Variants in MAP3K7CL observed in about 807,000 individuals in gnomAD.
MAP3K7CL encodes the protein MAP3K7 C-terminal like.
In MAP3K7CL, 16 loss-of-function variants were observed where a neutral mutation model predicts 18.6. That is an observed-to-expected ratio of 0.86 (90% confidence interval 0.58 to 1.31). The LOEUF (loss-of-function observed/expected upper bound fraction) is 1.31, where lower values mean the gene tolerates loss of function less well. Ranked by LOEUF, MAP3K7CL falls within the 50% of genes most tolerant of loss-of-function variation. The probability of loss-of-function intolerance (pLI) is 0.00; values close to 1 mark genes in which losing one functional copy is unlikely to be tolerated. For synonymous variants in MAP3K7CL, 65 were observed against 66.8 expected (o/e 0.97, Z 0.13); for missense variants, 163 against 174.4 (o/e 0.93, Z 0.37).
chr21:29,092,266 T>G, intron 3 of MAP3K7CL: 1 of 670,152 alleles, frequency 1.5e-6, no homozygotes, highest in Non-Finnish European at 2.5e-6. Flanking sequence ...CCAAGCCCAG[T>G]GCTCTTTCCC....
chr21:29,118,641 G>C (rs904654871), intron 4 of MAP3K7CL, among the ~76,000 whole-genome samples: 4 of 152,204 alleles, frequency 2.6e-5, no homozygotes, highest in African/African-American at 9.6e-5. Flanking sequence ...GATCTGTGAA[G>C]GCACAAAGTT....
chr21:29,174,121 A>G (rs1360491467), intron 4 of MAP3K7CL, among the ~76,000 whole-genome samples: 2 of 152,200 alleles, frequency 1.3e-5, no homozygotes, highest in Non-Finnish European at 1.5e-5. Flanking sequence ...TGCTTCCTCA[A>G]TTCTGGAGTC....
At chr21:29,165,240 CT>C (rs2087656312) in intron 4 of MAP3K7CL, among the ~76,000 whole-genome samples, 1 of 152,058 alleles carries the variant, frequency 6.6e-6, no homozygotes, top group African/African-American at 2.4e-5. Flanking sequence ...GTATTGGGTA[CT>C]TTGGTGTTTA....
intron 1 of MAP3K7CL, among the ~76,000 whole-genome samples, chr21:29,086,285 C>T (rs2085924324): frequency 6.6e-6 from 1 of 152,186 alleles, no homozygotes; most frequent in African/African-American, 2.4e-5. Context: ...AGAGAAAGAG[C>T]AGGCACAGAT....
At chr21:29,145,214 A>AATAG (rs56300654) in intron 2 of MAP3K7CL, among the ~76,000 whole-genome samples, 51,058 of 151,764 alleles carry the variant, frequency 0.34, 8,651 homozygotes, top group Non-Finnish European at 0.35. Flanking sequence ...ATAATTGGTA[A>AATAG]ATTTTAATAA....
intron 4 of MAP3K7CL, among the ~76,000 whole-genome samples, chr21:29,165,096 A>T (rs1456910402): frequency 2.6e-5 from 4 of 152,210 alleles, no homozygotes; most frequent in Non-Finnish European, 5.9e-5. Context: ...ATCTATTACC[A>T]AATTGTTTGA....
intron 4 of MAP3K7CL, among the ~76,000 whole-genome samples, chr21:29,124,710 A>C (rs941515469): frequency 1.3e-5 from 2 of 152,236 alleles, no homozygotes; most frequent in Non-Finnish European, 2.9e-5. Flanking sequence ...GACAAATATC[A>C]AAAGGAGAAT....
intron 4 of MAP3K7CL, among the ~76,000 whole-genome samples, chr21:29,171,050 A>G (rs1415413173): frequency 6.6e-6 from 1 of 151,864 alleles, no homozygotes; most frequent in East Asian, 1.9e-4. Flanking sequence ...TACCTAAGCT[A>G]TGCTTAGGGA....
intron 4 of MAP3K7CL, among the ~76,000 whole-genome samples, chr21:29,166,603 C>A (rs2087694727): frequency 6.6e-6 from 1 of 152,206 alleles, no homozygotes; most frequent in South Asian, 2.1e-4. Context: ...AATCTACTTT[C>A]TGTCTCTATG....
intron 2 of MAP3K7CL, among the ~76,000 whole-genome samples, chr21:29,143,361 T>C (rs1032425700): frequency 1.3e-5 from 2 of 151,864 alleles, no homozygotes; most frequent in Non-Finnish European, 2.9e-5. Context: ...GGCTTGGGAA[T>C]GTCCTCTGGG....
intron 4 of MAP3K7CL, among the ~76,000 whole-genome samples, chr21:29,097,426 C>T (rs1174660415): frequency 6.6e-6 from 1 of 152,048 alleles, no homozygotes; most frequent in East Asian, 1.9e-4. Flanking sequence ...TACTATTGTT[C>T]ATAAAACATA....
chr21:29,109,533 C>G (rs1418757000), intron 4 of MAP3K7CL: 1 of 1,054,348 alleles, frequency 9.5e-7, no homozygotes, highest in South Asian at 3.8e-5. Context: ...ACCAGCAATT[C>G]CATAAGTACT....
intron 2 of MAP3K7CL, among the ~76,000 whole-genome samples, chr21:29,147,837 T>G (rs568516049): frequency 3.6e-4 from 54 of 151,924 alleles, no homozygotes; most frequent in Admixed American, 1.8e-3. Flanking sequence ...GTATCTGTAC[T>G]GTATATATCT....
At chr21:29,088,006 A>G (rs2085957090) in intron 1 of MAP3K7CL, among the ~76,000 whole-genome samples, 1 of 152,192 alleles carries the variant, frequency 6.6e-6, no homozygotes, top group African/African-American at 2.4e-5. Flanking sequence ...CAAAGAGGAA[A>G]TTACGATTGT....
At chr21:29,134,240 G>A (rs2086837115) in intron 2 of MAP3K7CL, among the ~76,000 whole-genome samples, 2 of 152,136 alleles carry the variant, frequency 1.3e-5, no homozygotes, top group Non-Finnish European at 2.9e-5. Flanking sequence ...ATGATTGGCC[G>A]AGCATGGTGG....
chr21:29,111,300 C>T (rs950382174), intron 4 of MAP3K7CL, among the ~76,000 whole-genome samples: 32 of 151,954 alleles, frequency 2.1e-4, no homozygotes, highest in African/African-American at 6.8e-4. Flanking sequence ...CAACAAAAAA[C>T]GTTCCTTGGA....
At chr21:29,146,474 A>G (rs570435703) in intron 2 of MAP3K7CL, among the ~76,000 whole-genome samples, 2 of 152,298 alleles carry the variant, frequency 1.3e-5, no homozygotes, top group East Asian at 1.9e-4. Context: ...CTTTTGTCCA[A>G]TTCTTTGCAA....
At chr21:29,102,132 G>C (rs1490955925) in intron 4 of MAP3K7CL, among the ~76,000 whole-genome samples, 1 of 152,244 alleles carries the variant, frequency 6.6e-6, no homozygotes, top group East Asian at 1.9e-4. Flanking sequence ...TCCTTGCAGA[G>C]GTGCCCTCTT....
intron 1 of MAP3K7CL, among the ~76,000 whole-genome samples, chr21:29,087,311 C>T (rs1010870494): frequency 6.6e-6 from 1 of 152,178 alleles, no homozygotes; most frequent in Non-Finnish European, 1.5e-5. Flanking sequence ...AAAGCTAATA[C>T]TCCCTAAACA....
Sources: allele counts gnomAD v4.1 joint callset (sites outside exome capture counted in the v4.1 genomes callset), GRCh38; gene constraint gnomAD v4.1.1; transcripts MANE v1.5; gene names NCBI Gene and HGNC (gene_info 2026-07-23, HGNC 2026-07-21).